The following HYCC2 variants were observed in gnomAD, a reference collection of about 807,000 sequenced individuals.
HYCC2 encodes hyccin 2.
the HYCC2 span, among the ~76,000 whole-genome samples, chr2:201,029,335 T>C: frequency 1.3e-5 from 2 of 151,660 alleles, no homozygotes; most frequent in Non-Finnish European, 2.9e-5. Flanking sequence ...TTGGTGGGAG[T>C]GTAAACTAGT....
chr2:201,005,899 C>G, the HYCC2 span, among the ~76,000 whole-genome samples: 8 of 152,282 alleles, frequency 5.3e-5, no homozygotes, highest in East Asian at 7.7e-4. Flanking sequence ...ATGGCACGAT[C>G]TTGGCTCACT....
At chr2:200,990,425 A>C in the HYCC2 span, among the ~76,000 whole-genome samples, 1 of 151,996 alleles carries the variant, frequency 6.6e-6, no homozygotes, top group East Asian at 1.9e-4. Flanking sequence ...TTTTTGAAAC[A>C]AGGTCTTGCT....
chr2:201,066,301 T>C, the HYCC2 span, among the ~76,000 whole-genome samples: 1 of 152,178 alleles, frequency 6.6e-6, no homozygotes, highest in African/African-American at 2.4e-5. Context: ...CTCGAAATCC[T>C]GACCTCAAGT....
the HYCC2 span, chr2:201,061,168 G>A: frequency 2.0e-5 from 3 of 151,972 alleles, no homozygotes; most frequent in East Asian, 5.8e-4. Context: ...GTGTGGTGGT[G>A]GCTCATGCCC....
chr2:201,035,880 T>C, the HYCC2 span, among the ~76,000 whole-genome samples: 2 of 152,136 alleles, frequency 1.3e-5, no homozygotes, highest in Non-Finnish European at 2.9e-5. Context: ...CAGACCCTGT[T>C]TGCCTGGATA....
chr2:201,016,613 T>G, the HYCC2 span, among the ~76,000 whole-genome samples: 1 of 151,766 alleles, frequency 6.6e-6, no homozygotes, highest in Non-Finnish European at 1.5e-5. Flanking sequence ...TTTTTTTTTT[T>G]TTTTGAGACG....
At chr2:200,987,352 A>C in the HYCC2 span, 1 of 1,286,964 alleles carries the variant, frequency 7.8e-7, no homozygotes, top group South Asian at 1.2e-5. Flanking sequence ...CTGCCTCCTC[A>C]TCTCTGTCCT....
At chr2:201,022,759 C>G in the HYCC2 span, 1 of 950,592 alleles carries the variant, frequency 1.1e-6, no homozygotes, top group Non-Finnish European at 1.5e-6. Flanking sequence ...AATTATAAAA[C>G]TTAAATTTAT....
At chr2:200,981,540 AT>A in the HYCC2 span, 1 of 1,614,214 alleles carries the variant, frequency 6.2e-7, no homozygotes, top group Non-Finnish European at 8.5e-7. This position sits in a 1 kb window ranked among gnomAD's most constrained non-coding sequence, Gnocchi z 4.5. Flanking sequence ...GACTTAAGCT[AT>A]TGATTTTTGG....
the HYCC2 span, among the ~76,000 whole-genome samples, chr2:201,041,443 T>C: frequency 1.3e-5 from 2 of 152,226 alleles, no homozygotes; most frequent in African/African-American, 2.4e-5. Flanking sequence ...AGCACATCTG[T>C]GCAGGCTGTT....
the HYCC2 span, among the ~76,000 whole-genome samples, chr2:201,025,133 A>G: frequency 1.3e-5 from 2 of 151,960 alleles, no homozygotes; most frequent in African/African-American, 2.4e-5. Flanking sequence ...AAATAAATAA[A>G]TGCACTAGGA....
At chr2:201,016,201 AAATAC>A in the HYCC2 span, among the ~76,000 whole-genome samples, 7,170 of 152,276 alleles carry the variant, frequency 0.047, 529 homozygotes, top group African/African-American at 0.16. Flanking sequence ...ATACTTTATA[AAATAC>A]ATTATCAAAA....
chr2:201,005,303 T>C, the HYCC2 span, among the ~76,000 whole-genome samples: 1 of 152,058 alleles, frequency 6.6e-6, no homozygotes, highest in Non-Finnish European at 1.5e-5. Flanking sequence ...GATTAGGCAG[T>C]GGAGAGATGA....
At chr2:200,980,991 T>G in the HYCC2 span, 1 of 464,942 alleles carries the variant, frequency 2.2e-6, no homozygotes, top group Non-Finnish European at 3.9e-6. Context: ...TACGATGGAT[T>G]GCACATCACC....
the HYCC2 span, among the ~76,000 whole-genome samples, chr2:201,061,060 T>A: frequency 6.9e-6 from 1 of 144,326 alleles, no homozygotes; most frequent in African/African-American, 2.6e-5. Context: ...GTTAAGAAAA[T>A]AAATAGTTTA....
chr2:201,037,558 A>AACAG, the HYCC2 span, among the ~76,000 whole-genome samples: 8 of 152,226 alleles, frequency 5.3e-5, 1 homozygote, highest in Admixed American at 5.2e-4. Flanking sequence ...AGACCAATGG[A>AACAG]ACAGAACAGA....
chr2:200,993,877 C>T, the HYCC2 span, among the ~76,000 whole-genome samples: 3 of 151,404 alleles, frequency 2.0e-5, no homozygotes, highest in East Asian at 1.9e-4. Context: ...GTCCCAGCTA[C>T]GAGAATGGCG....
the HYCC2 span, chr2:201,063,204 C>T: frequency 0.014 from 23,130 of 1,605,680 alleles, 214 homozygotes; most frequent in Non-Finnish European, 0.016. Flanking sequence ...CAACGGGGAA[C>T]GCTCACAGAC....
chr2:201,022,872 C>G, the HYCC2 span: 22 of 1,613,404 alleles, frequency 1.4e-5, no homozygotes, highest in Non-Finnish European at 1.9e-5. Context: ...AGGGCTGGTA[C>G]AAGTGTTTTT....
Sources: gnomAD v4.1 joint callset for allele counts (sites outside exome capture counted in the v4.1 genomes callset) on GRCh38, gnomAD v4.1.1 for gene constraint, Gnocchi (gnomAD v3.1) non-coding constraint, MANE v1.5 for transcripts, NCBI Gene and HGNC (gene_info 2026-07-23, HGNC 2026-07-21) for gene names.